The following ANK2 variants were observed in gnomAD, a reference collection of about 807,000 sequenced individuals.
ANK2 encodes ankyrin 2.
A neutral mutation model predicts 360.5 loss-of-function variants in ANK2; 83 were observed. The observed-to-expected ratio is 0.23, with a 90% CI of 0.19 to 0.28. The LOEUF is 0.28. Ranked by LOEUF, ANK2 falls within the 10% of genes least tolerant of loss-of-function variation. The pLI, the probability that ANK2 is intolerant of heterozygous loss-of-function variation, is 1.00. For missense variants in ANK2, 4,201 were observed against 4,795.7 expected, an observed-to-expected ratio of 0.88 and a Z score of 3.66; for synonymous variants, 1,740 against 1,759.5, an observed-to-expected ratio of 0.99 and a Z score of 0.28.
intron 2 of ANK2, among the ~76,000 whole-genome samples, chr4:113,186,690 C>A (rs2098536028): frequency 6.6e-6 from 1 of 151,852 alleles, no homozygotes; most frequent in African/African-American, 2.4e-5. Flanking sequence ...AAGGCCTCTT[C>A]TCTTATGGAA....
chr4:112,730,369 G>A, the ANK2 span, among the ~76,000 whole-genome samples: 1 of 151,608 alleles, frequency 6.6e-6, no homozygotes, highest in South Asian at 2.1e-4. Flanking sequence ...AGGCGCAGTG[G>A]CTCACGCCTG....
chr4:112,748,634 C>G, the ANK2 span, among the ~76,000 whole-genome samples: 1 of 152,090 alleles, frequency 6.6e-6, no homozygotes, highest in Non-Finnish European at 1.5e-5. Context: ...GCTGTTGGGC[C>G]TAAAGTTCCT....
intron 23 of ANK2, among the ~76,000 whole-genome samples, chr4:113,310,220 T>C (rs1401902575): frequency 2.6e-5 from 4 of 152,200 alleles, no homozygotes; most frequent in Admixed American, 6.5e-5. Context: ...TTGAGTTGTA[T>C]TTATTCCCTG....
chr4:113,340,417 G>A (rs988135319), intron 32 of ANK2, among the ~76,000 whole-genome samples: 1 of 152,240 alleles, frequency 6.6e-6, no homozygotes. Context: ...TTGAGGCTGG[G>A]CCTGGTGGCT....
chr4:112,808,446 T>C, the ANK2 span, among the ~76,000 whole-genome samples: 2 of 152,172 alleles, frequency 1.3e-5, no homozygotes, highest in African/African-American at 4.8e-5. Flanking sequence ...ACCAGTGTGG[T>C]TGGAGAATTT....
chr4:113,292,643 C>T (rs2068358264), intron 21 of ANK2, 129 bp downstream of exon 21: 1 of 1,086,102 alleles, frequency 9.2e-7, no homozygotes, highest in Non-Finnish European at 1.4e-6. Flanking sequence ...TCTGGAAAGC[C>T]CCAGATTTTT....
rs576140666 is a variant in ANK2 at position 112,821,212 on chromosome 4, G to A, written c.-40+2948G>A. ...TTACAGGCATGAGCCACCCCGCCCGGCCCCTTAAATGTTTTTTGTAGAGAT... is the reference window on the plus strand; with the variant it reads ...TTACAGGCATGAGCCACCCCGCCCGACCCCTTAAATGTTTTTTGTAGAGAT... On this transcript the variant is annotated intron_variant, in intron 1 of 30. Coordinates refer to the ANK2 transcript ENST00000503271. Among the ~76,000 whole-genome samples the A allele has an allele frequency of 3.7e-4, 57 of 152,156 alleles. No homozygotes were observed. In the South Asian group the frequency reaches 0.012, roughly 32 times the overall value.
Position 113,295,748 on chromosome 4 carries a change from C to A in ANK2, c.2475+2210C>A, listed in dbSNP as rs547354078. Reference sequence around the variant, plus strand: ...ACTAAGAAATCATTGTCCACATGAGCTAAACAAGTATCTCTGTTACCTAAA... The same window carrying A: ...ACTAAGAAATCATTGTCCACATGAGATAAACAAGTATCTCTGTTACCTAAA... On this transcript the variant is annotated intron_variant, in intron 22 of 45. Coordinates refer to ENST00000357077, the MANE Select transcript of ANK2 (RefSeq NM_001148.6). 5.9e-5 allele frequency among the ~76,000 whole-genome samples: 9 copies of A among 152,270 alleles called. No homozygotes were observed. In the South Asian group the frequency reaches 1.9e-3, roughly 32 times the overall value.
chr4:113,106,743 A>G (rs1471586837), intron 1 of ANK2: 1 of 298,790 alleles, frequency 3.3e-6, no homozygotes, highest in African/African-American at 2.2e-5. Flanking sequence ...AATGAGTGAG[A>G]AAGATGCTTA....
Position 113,358,982 on chromosome 4 carries a change from G to T in ANK2, c.10364G>T (p.Gly3455Val), listed in dbSNP as rs533201814. 6.2e-7 allele frequency: 1 copy of T among 1,614,092 alleles called. No homozygotes were observed. Among genetic ancestry groups the T allele is most frequent in the Middle Eastern group, 1.6e-4 (1 of 6,062 alleles). The stretch of plus-strand genomic sequence containing the variant: ...AGAAGCACTACATCTTCCTGCAGGG[G>T]GGGCACGAGCCCCACAAAAGAAAGT... ...KSRSTTSSCR[G>V]GTSPTKESKE... The change falls in exon 38 of 46, where the codon GGG becomes GTG. Residue 3455 changes from glycine to valine, a missense_variant. Gly to Val is a moderately radical substitution (Grantham distance 109). This residue lies in a region of ANK2 where 2,642 missense variants were observed against 2,714.5 expected (regional missense o/e 0.97). Transcript: ENST00000357077.
chr4:113,309,934 G>A (rs535166079), intron 23 of ANK2, among the ~76,000 whole-genome samples: 19 of 152,226 alleles, frequency 1.2e-4, no homozygotes, highest in African/African-American at 4.6e-4. Flanking sequence ...CTATTCACAC[G>A]AGAGAGGAAG....
At chr4:112,843,767 A>G (rs2062691150) in intron 1 of ANK2, among the ~76,000 whole-genome samples, 1 of 152,206 alleles carries the variant, frequency 6.6e-6, no homozygotes, top group African/African-American at 2.4e-5. Flanking sequence ...TTAATGTATT[A>G]TAGTTTTTCG....
At chr4:113,070,176 A>G (rs1370743892) in intron 1 of ANK2, 1 of 152,172 alleles carries the variant, frequency 6.6e-6, no homozygotes, top group East Asian at 1.9e-4. Flanking sequence ...GTTACATCTT[A>G]TATTCTCCAA....
intron 18 of ANK2, among the ~76,000 whole-genome samples, chr4:113,285,418 T>A (rs549984423): frequency 1.3e-5 from 2 of 152,336 alleles, no homozygotes; most frequent in South Asian, 4.1e-4. Context: ...TCTGACCTAC[T>A]GGCTTCAAGT....
chr4:112,966,728 T>C (rs1009663132), intron 2 of ANK2, among the ~76,000 whole-genome samples: 1 of 152,182 alleles, frequency 6.6e-6, no homozygotes, highest in Admixed American at 6.5e-5. Context: ...AGAAAAGATA[T>C]TCTATATAAG....
At chr4:112,774,262 C>T in the ANK2 span, among the ~76,000 whole-genome samples, 2 of 152,070 alleles carry the variant, frequency 1.3e-5, no homozygotes, top group Non-Finnish European at 1.5e-5. Context: ...CACGGTGGCT[C>T]ACGCCTGTAA....
In ANK2 at chr4:112,901,546, C is replaced by T. The variant is rs137963728; in HGVS notation, c.-39-2909C>T. Among the ~76,000 whole-genome samples the T allele has an allele frequency of 4.3e-4, 65 of 152,188 alleles. 1 individual carries two copies. The East Asian group carries it at 0.012, about 29-fold the overall frequency. On this transcript the variant is annotated intron_variant, in intron 1 of 30. Coordinates refer to the ANK2 transcript ENST00000503271. Reference sequence around the variant, plus strand: ...GGTTTTCAGTGTTGTTTCTTTGCAACCTCAAAACAAAATCCCTGCCTTAAA... The same window carrying T: ...GGTTTTCAGTGTTGTTTCTTTGCAATCTCAAAACAAAATCCCTGCCTTAAA...
intron 14 of ANK2, among the ~76,000 whole-genome samples, chr4:113,265,283 A>C (rs1449334828): frequency 6.6e-6 from 1 of 152,228 alleles, no homozygotes; most frequent in East Asian, 1.9e-4. Flanking sequence ...CTCGGAAAGC[A>C]CTTTCTCATA....
intron 1 of ANK2, among the ~76,000 whole-genome samples, chr4:113,062,397 C>T (rs1246990641): frequency 6.6e-6 from 1 of 152,014 alleles, no homozygotes; most frequent in Non-Finnish European, 1.5e-5. Context: ...ATTGGTGTCT[C>T]AAGTTTATTT....
Sources: gnomAD v4.1 joint callset for allele counts (sites outside exome capture counted in the v4.1 genomes callset) on GRCh38, gnomAD v4.1.1 for gene constraint, gnomAD v4.1.1 regional missense constraint, MANE v1.5 for transcripts, NCBI Gene and HGNC (gene_info 2026-07-23, HGNC 2026-07-21) for gene names.